HNF4G: variants seen among roughly 807,000 people sequenced by gnomAD.
HNF4G encodes the protein hepatocyte nuclear factor 4 gamma.
HNF4G carries 21 observed loss-of-function variants against 50.9 expected under a neutral mutation model. The ratio of observed to expected loss-of-function variants is 0.41; its 90% CI spans 0.29 to 0.59. HNF4G has a LOEUF of 0.59. Among genes scored for constraint, HNF4G ranks in the 20% least tolerant of loss-of-function variants. HNF4G has a pLI of 0.26. For missense variants in HNF4G, 527 were observed against 559.4 expected, an observed-to-expected ratio of 0.94 and a Z score of 0.58; for synonymous variants, 198 against 185.6, an observed-to-expected ratio of 1.07 and a Z score of -0.54.
chr8:75,492,485 G>A (rs1812654365), intron 2 of HNF4G, among the ~76,000 whole-genome samples: 1 of 152,138 alleles, frequency 6.6e-6, no homozygotes, highest in Admixed American at 6.6e-5. Flanking sequence ...GAGCATTATT[G>A]TGACCCCCCT....
chr8:75,555,298 T>C (rs1477524617), intron 5 of HNF4G, among the ~76,000 whole-genome samples: 1 of 152,170 alleles, frequency 6.6e-6, no homozygotes, highest in East Asian at 1.9e-4. Flanking sequence ...ATTTACTAGA[T>C]GAAGATAATG....
At chr8:75,479,764 G>GA (rs937146266) in intron 1 of HNF4G, among the ~76,000 whole-genome samples, 18 of 148,264 alleles carry the variant, frequency 1.2e-4, no homozygotes, top group African/African-American at 2.2e-4. Flanking sequence ...TGAAAAATAT[G>GA]AAAAAAAAAG....
chr8:75,434,300 C>A (rs568638049), intron 1 of HNF4G, among the ~76,000 whole-genome samples: 34 of 152,040 alleles, frequency 2.2e-4, no homozygotes, highest in African/African-American at 7.7e-4. Context: ...CTGCGTCTGG[C>A]CTAAATAACT....
upstream of HNF4G, chr8:75,407,954 G>C (rs535880537): frequency 5.9e-5 from 9 of 152,074 alleles, no homozygotes; most frequent in Admixed American, 2.6e-4. Flanking sequence ...CTCCGGGAGC[G>C]GCCCGCGCAG....
intron 2 of HNF4G, 101 bp downstream of exon 2, chr8:75,544,080 G>A: frequency 2.0e-6 from 2 of 1,015,920 alleles, no homozygotes; most frequent in Non-Finnish European, 2.9e-6. Context: ...ATATCTGTAA[G>A]TCTATAAATA....
intron 1 of HNF4G, among the ~76,000 whole-genome samples, chr8:75,414,157 C>A (rs890794390): frequency 1.3e-5 from 2 of 152,072 alleles, no homozygotes; most frequent in Non-Finnish European, 2.9e-5. Context: ...ACTCCCTGTG[C>A]CTTTTTGTAA....
At chr8:75,431,215 A>C (rs1811008395) in intron 1 of HNF4G, among the ~76,000 whole-genome samples, 1 of 152,146 alleles carries the variant, frequency 6.6e-6, no homozygotes, top group South Asian at 2.1e-4. Flanking sequence ...GGAGATAGAG[A>C]GGACAGAAAG....
chr8:75,520,004 T>TC (rs1186307513), intron 2 of HNF4G, among the ~76,000 whole-genome samples: 2 of 152,184 alleles, frequency 1.3e-5, no homozygotes, highest in Non-Finnish European at 2.9e-5. Context: ...TTCTTTTTTT[T>TC]CTCTCTTCCA....
In HNF4G at chr8:75,461,921, TATATATA is replaced by T. The variant is rs1563515869; in HGVS notation, c.-143-28167_-143-28161del. Among the ~76,000 whole-genome samples the T allele has an allele frequency of 2.0e-5, 3 of 146,740 alleles. No individual in the cohort carries two copies. The East Asian group carries it at 5.9e-4, about 29-fold the overall frequency. On this transcript the variant is annotated intron_variant, in intron 1 of 10. Coordinates refer to the HNF4G transcript ENST00000354370. ...ATATAAATATAAATATATATATATA[TATATATA>T]TTTTTTTAGATGGAGTTTTGCTCTT...
chr8:75,558,600 A>T lies in HNF4G; in HGVS notation c.816A>T (p.Arg272Ser). 6.2e-7 allele frequency: 1 copy of T among 1,613,964 alleles called. No homozygotes were observed. Among genetic ancestry groups the T allele is most frequent in the South Asian group, 1.1e-5 (1 of 91,076 alleles). Residue 272 changes from arginine (R) to serine (S), a missense_variant, in exon 7 of 10, where the codon AGA becomes AGT. Coordinates refer to ENST00000396423, the MANE Select transcript of HNF4G (RefSeq NM_004133.5). The part of the protein sequence containing the change: ...VANRVLDELV[R>S]PFQEIQIDDN... ...ATCGTGTTCTAGATGAGCTGGTTAG[A>T]CCATTTCAAGAAATCCAGATTGATG... is the stretch of plus-strand genomic sequence containing the variant.
chr8:75,559,273 G>GT (rs1253961624), intron 8 of HNF4G, among the ~76,000 whole-genome samples: 2 of 29,186 alleles, frequency 6.9e-5, no homozygotes, highest in African/African-American at 1.7e-4. Flanking sequence ...CGTTTTTTTT[G>GT]TTTGTTTTTT....
intron 1 of HNF4G, among the ~76,000 whole-genome samples, chr8:75,451,775 G>A (rs1811590783): frequency 6.6e-6 from 1 of 152,186 alleles, no homozygotes; most frequent in African/African-American, 2.4e-5. Flanking sequence ...ATCAAGTAGT[G>A]TGATGCCTCC....
intron 1 of HNF4G, among the ~76,000 whole-genome samples, chr8:75,483,509 G>A (rs1389577324): frequency 6.6e-6 from 1 of 152,132 alleles, no homozygotes; most frequent in Non-Finnish European, 1.5e-5. Context: ...TCTGCAGTGA[G>A]GCCATTTCTT....
At chr8:75,434,449 A>G (rs371313376) in intron 1 of HNF4G, among the ~76,000 whole-genome samples, 1 of 152,146 alleles carries the variant, frequency 6.6e-6, no homozygotes, top group East Asian at 1.9e-4. Flanking sequence ...ACAAGCTTAT[A>G]ATAGAGAGGA....
At chr8:75,561,446 A>G (rs1238203886) in intron 9 of HNF4G, among the ~76,000 whole-genome samples, 1 of 152,068 alleles carries the variant, frequency 6.6e-6, no homozygotes, top group African/African-American at 2.4e-5. Context: ...CAATTATTCA[A>G]TTTTGTAAAA....
At chr8:75,472,579 G>A (rs75882044) in intron 1 of HNF4G, among the ~76,000 whole-genome samples, 3 of 152,156 alleles carry the variant, frequency 2.0e-5, no homozygotes, top group African/African-American at 4.8e-5. Flanking sequence ...AAGATACAGA[G>A]TGCAAATATG....
chr8:75,425,898 G>T (rs1033240810), intron 1 of HNF4G, among the ~76,000 whole-genome samples: 9 of 152,000 alleles, frequency 5.9e-5, no homozygotes, highest in Admixed American at 6.6e-5. Context: ...TTTCTGACGG[G>T]TATATTTCCA....
In HNF4G at chr8:75,519,354, T is replaced by A. The variant is rs533667144; in HGVS notation, c.-23-24457T>A. ...GTCTTCTTCTGAGCCCTCCAAACTG[T>A]TCCAGCCTCTGCCTGTTTCCCAGTT... On this transcript the variant is annotated intron_variant, in intron 2 of 10. Transcript: ENST00000354370. Among the ~76,000 whole-genome samples, 20 of 152,336 alleles carry A rather than the reference T, an allele frequency of 1.3e-4. No individual in the cohort carries two copies. In the South Asian group the frequency reaches 4.1e-3, roughly 32 times the overall value.
At chr8:75,503,975 G>A (rs1812997289) in intron 2 of HNF4G, among the ~76,000 whole-genome samples, 3 of 152,058 alleles carry the variant, frequency 2.0e-5, no homozygotes, top group Non-Finnish European at 4.4e-5. Context: ...AATTCTGGGT[G>A]TATTGGGAGG....
Sources: allele counts gnomAD v4.1 joint callset (sites outside exome capture counted in the v4.1 genomes callset), GRCh38; gene constraint gnomAD v4.1.1; transcripts MANE v1.5; gene names NCBI Gene and HGNC (gene_info 2026-07-23, HGNC 2026-07-21).